SLC9A4: variants seen among roughly 807,000 people sequenced by gnomAD.
SLC9A4 encodes the protein sodium/hydrogen exchanger 4.
Under a neutral mutation model 67.4 loss-of-function variants are expected in SLC9A4, and 63 were observed. The ratio of observed to expected loss-of-function variants is 0.93; its 90% CI spans 0.76 to 1.15. The LOEUF (loss-of-function observed/expected upper bound fraction) is 1.15. Ranked by LOEUF, SLC9A4 falls within the 50% of genes most tolerant of loss-of-function variation. The pLI is 0.00. For missense variants in SLC9A4, 1,089 were observed against 987.7 expected (o/e 1.10, Z -1.38); for synonymous variants, 393 against 367.2 (o/e 1.07, Z -0.80).
At chr2:102,481,538 A>T (rs2104415158) in intron 2 of SLC9A4, among the ~76,000 whole-genome samples, 1 of 152,300 alleles carries the variant, frequency 6.6e-6, no homozygotes, top group South Asian at 2.1e-4. Flanking sequence ...TTTTTAGTAT[A>T]AGTATGTCAT....
At chr2:102,519,056 CA>C (rs1685339217) in intron 8 of SLC9A4, among the ~76,000 whole-genome samples, 1 of 152,196 alleles carries the variant, frequency 6.6e-6, no homozygotes, top group Non-Finnish European at 1.5e-5. Context: ...ACATTTGTCA[CA>C]TGATCATTCT....
At position 102,532,366 on chromosome 2, in the gene SLC9A4, C is replaced by T. The variant is rs770922657; in HGVS notation, c.2075C>T (p.Thr692Met). Residue 692 changes from threonine to methionine, a missense_variant, in exon 12 of 12, where the codon ACG becomes ATG. Coordinates refer to ENST00000295269, the MANE Select transcript of SLC9A4 (RefSeq NM_001011552.4). Reference sequence around the variant, plus strand: ...AGTGATCCAGGATCCCCATCCATCACGTTCAGCGCATGCTCTCGGATAGGG... The same window carrying T: ...AGTGATCCAGGATCCCCATCCATCATGTTCAGCGCATGCTCTCGGATAGGG... The part of the protein sequence containing the change: ...DSSDPGSPSI[T>M]FSACSRIGSL... 29 of 1,613,902 alleles carry T rather than the reference C, an allele frequency of 1.8e-5. No homozygotes were observed. The highest frequency in any genetic ancestry group is 2.4e-5 in the Non-Finnish European group (28 of 1,179,972).
intron 8 of SLC9A4, 123 bp from the exon 9 acceptor site, chr2:102,519,736 T>G (rs545552866): frequency 2.6e-6 from 2 of 773,034 alleles, no homozygotes; most frequent in East Asian, 3.0e-5. Context: ...ATAGGAAAAA[T>G]TATATGTAGG....
At chr2:102,475,968 C>T (rs1022254330) in intron 1 of SLC9A4, among the ~76,000 whole-genome samples, 15 of 152,064 alleles carry the variant, frequency 9.9e-5, no homozygotes, top group Non-Finnish European at 2.2e-4. Context: ...TTCTTTTATT[C>T]CTCATTCCAT....
At chr2:102,493,916 C>T (rs1403548) in intron 2 of SLC9A4, among the ~76,000 whole-genome samples, 116,775 of 151,710 alleles carry the variant, frequency 0.77, 46,156 homozygotes, top group African/African-American at 0.91. Flanking sequence ...AGTCTATAGA[C>T]AGACTTCTTG....
intron 1 of SLC9A4, among the ~76,000 whole-genome samples, chr2:102,474,645 A>C (rs369641011): frequency 4.6e-5 from 7 of 152,334 alleles, no homozygotes; most frequent in East Asian, 1.9e-4. Flanking sequence ...AGTGAATCCA[A>C]GTTAATAGAT....
At chr2:102,521,806 T>A (rs770620286) in intron 9 of SLC9A4, among the ~76,000 whole-genome samples, 1 of 152,174 alleles carries the variant, frequency 6.6e-6, no homozygotes. Context: ...AGCCAGGGCA[T>A]TTCTCATTGT....
At chr2:102,528,844 C>A (rs183988365) in intron 11 of SLC9A4, among the ~76,000 whole-genome samples, 1 of 152,156 alleles carries the variant, frequency 6.6e-6, no homozygotes, top group Admixed American at 6.6e-5. Flanking sequence ...CTCAGTCACA[C>A]TTTCAGTCAA....
At chr2:102,477,585 G>A (rs1336070183) in intron 1 of SLC9A4, among the ~76,000 whole-genome samples, 1 of 152,168 alleles carries the variant, frequency 6.6e-6, no homozygotes, top group African/African-American at 2.4e-5. Flanking sequence ...AGGGATTATT[G>A]TTATTAGACG....
At chr2:102,502,843 C>T (rs1233117143) in intron 2 of SLC9A4, among the ~76,000 whole-genome samples, 4 of 152,200 alleles carry the variant, frequency 2.6e-5, no homozygotes, top group African/African-American at 9.6e-5. Flanking sequence ...CGGGTGGAGC[C>T]CTGGGCCACA....
chr2:102,488,714 A>C (rs994967390), intron 2 of SLC9A4, among the ~76,000 whole-genome samples: 3 of 151,870 alleles, frequency 2.0e-5, no homozygotes, highest in African/African-American at 7.3e-5. Flanking sequence ...ACGCCCGGCT[A>C]ATTTTTGTAT....
Position 102,473,839 on chromosome 2 carries a change from C to T in SLC9A4, c.80C>T (p.Ser27Phe). The change falls in exon 1 of 12, where the codon TCT becomes TTT. Residue 27 changes from serine to phenylalanine, a missense_variant. By Grantham distance (155) the Ser-to-Phe change is radical. Transcript: ENST00000295269. Reference protein sequence around the residue: ...LLVALECSEASSDLNESANST... With the variant: ...LLVALECSEAFSDLNESANST... ...GTGGCTCTTGAGTGTTCTGAAGCAT[C>T]TTCTGATTTGAATGAATCTGCAAAT... 6.2e-7 allele frequency: 1 copy of T among 1,614,078 alleles called. No individual in the cohort carries two copies. Among genetic ancestry groups the T allele is most frequent in the Non-Finnish European group, 8.5e-7 (1 of 1,179,958 alleles).
At chr2:102,504,706 C>T (rs563203430) in intron 3 of SLC9A4, among the ~76,000 whole-genome samples, 1 of 152,208 alleles carries the variant, frequency 6.6e-6, no homozygotes, top group Non-Finnish European at 1.5e-5. Flanking sequence ...CTGTCACTTT[C>T]CCACCTGGAA....
Position 102,519,961 on chromosome 2 carries a change from T to A in SLC9A4, c.1818+6T>A, listed in dbSNP as rs1288528214. ...TGTACCAAGTTCGGCAAAGGGTGTG[T>A]ATGAGCCACCTGTGTTGTCCCCATT... On this transcript the variant is annotated splice_donor_region_variant and intron_variant, in intron 9 of 11. Coordinates refer to ENST00000295269, the MANE Select transcript of SLC9A4 (RefSeq NM_001011552.4). The A allele has an allele frequency of 3.7e-6, 6 of 1,612,708 alleles. No individual in the cohort carries two copies. Among genetic ancestry groups the A allele is most frequent in the Non-Finnish European group, 5.1e-6 (6 of 1,178,828 alleles).
chr2:102,474,018 A>G lies in SLC9A4; in HGVS notation c.256+3A>G. 1 of 1,612,584 alleles carries G rather than the reference A, an allele frequency of 6.2e-7. No homozygotes were observed. The highest frequency in any genetic ancestry group is 8.5e-7 in the Non-Finnish European group (1 of 1,178,980). On this transcript the variant is annotated splice_donor_region_variant and intron_variant, in intron 1 of 11. Transcript: ENST00000295269. ...TCTAGCATCCCTTGCAAAAATAGGT[A>G]AGTCCTTAAACACCTGGTTTGGTGA...
chr2:102,505,384 G>A lies in SLC9A4; in HGVS notation c.1111G>A (p.Gly371Ser), dbSNP rs1685030173. Residue 371 changes from glycine (G) to serine (S), a missense_variant, in exon 4 of 12, where the codon GGT becomes AGT. Coordinates refer to ENST00000295269, the MANE Select transcript of SLC9A4 (RefSeq NM_001011552.4). Reference sequence around the variant, plus strand: ...CGAGACCTTGATCTTCATCTTCATGGGTGTGTCCACTGTGGGCAAGAATCA... The same window carrying A: ...CGAGACCTTGATCTTCATCTTCATGAGTGTGTCCACTGTGGGCAAGAATCA... ...VSETLIFIFM[G>S]VSTVGKNHEW... 1 of 1,614,198 alleles carries A rather than the reference G, an allele frequency of 6.2e-7. No homozygotes were observed. The highest frequency in any genetic ancestry group is 8.5e-7 in the Non-Finnish European group (1 of 1,180,038).
intron 2 of SLC9A4, among the ~76,000 whole-genome samples, chr2:102,497,698 A>G (rs937576026): frequency 6.6e-6 from 1 of 152,242 alleles, no homozygotes; most frequent in Admixed American, 6.5e-5. Context: ...CTTCAAATGA[A>G]TGAGGAACCT....
rs150777384 is a variant in SLC9A4, at chr2:102,486,917, G to A, written c.720+7615G>A. Reference sequence around the variant, plus strand: ...AATGGAGATTACGCCTAACCTTCAGGCAGAAAGGGCCATGCAGCCTTGATT... The same window carrying A: ...AATGGAGATTACGCCTAACCTTCAGACAGAAAGGGCCATGCAGCCTTGATT... On this transcript the variant is annotated intron_variant, in intron 2 of 11. Coordinates refer to ENST00000295269, the MANE Select transcript of SLC9A4 (RefSeq NM_001011552.4). Among the ~76,000 whole-genome samples the A allele has an allele frequency of 5.5e-3, 835 of 152,304 alleles. 7 individuals are homozygous for A. The highest frequency in any genetic ancestry group is 0.02 in the Middle Eastern group (6 of 294).
chr2:102,529,521 G>C (rs1674735131), intron 11 of SLC9A4, among the ~76,000 whole-genome samples: 1 of 152,184 alleles, frequency 6.6e-6, no homozygotes, highest in Admixed American at 6.5e-5. Context: ...TGTCATTTCT[G>C]TGGTTACGAT....
Sources: gnomAD v4.1 joint callset for allele counts (sites outside exome capture counted in the v4.1 genomes callset) on GRCh38, gnomAD v4.1.1 for gene constraint, MANE v1.5 for transcripts, NCBI Gene and HGNC (gene_info 2026-07-23, HGNC 2026-07-21) for gene names.